Variants in STIM1 observed in about 807,000 individuals in gnomAD.
STIM1 encodes the protein stromal interaction molecule 1.
STIM1 carries 25 observed loss-of-function variants against 74.7 expected under a neutral mutation model. That is an observed-to-expected ratio of 0.33 (90% CI 0.24 to 0.47). The LOEUF (loss-of-function observed/expected upper bound fraction) is 0.47, where lower values mean the gene tolerates loss of function less well. Among genes scored for constraint, STIM1 ranks in the 20% least tolerant of loss-of-function variants. STIM1 has a pLI of 1.00. For synonymous variants in STIM1, 328 were observed against 348.8 expected, an observed-to-expected ratio of 0.94 and a Z score of 0.66; for missense variants, 728 against 920.8, an observed-to-expected ratio of 0.79 and a Z score of 2.71.
At chr11:4,068,270 C>T (rs1022000769) in intron 5 of STIM1, among the ~76,000 whole-genome samples, 12 of 152,090 alleles carry the variant, frequency 7.9e-5, no homozygotes, top group African/African-American at 2.9e-4. Context: ...GAATAAGAAA[C>T]CAAATGAAAT....
In STIM1 at chr11:4,055,543, G is replaced by A. The variant is rs1174379175; in HGVS notation, c.403G>A (p.Asp135Asn). 1 of 1,599,790 alleles carries A rather than the reference G, an allele frequency of 6.3e-7. No homozygotes were observed. Among genetic ancestry groups the A allele is most frequent in the Non-Finnish European group, 8.5e-7 (1 of 1,173,928 alleles). Residue 135 changes from aspartate to asparagine, a missense_variant, in exon 4 of 13, where the codon GAT becomes AAT. Physicochemically the swap from Asp to Asn is conservative, Grantham distance 23 (BLOSUM62 1). Around this residue, in one of 5 missense-constraint regions of STIM1, gnomAD observed 132 missense variants for 158.2 expected, o/e 0.83. Transcript: ENST00000526596. ...KSSEVYNWTV[D>N]EVVQWLITYV... is the part of the protein sequence containing the mutation. Reference sequence around the variant, plus strand: ...TTTCACAGTATACAATTGGACCGTGGATGAGGTGGTACAGTGGCTGATCAC... The same window carrying A: ...TTTCACAGTATACAATTGGACCGTGAATGAGGTGGTACAGTGGCTGATCAC...
At chr11:3,953,922 A>T (rs1181851723) in intron 1 of STIM1, among the ~76,000 whole-genome samples, 1 of 151,714 alleles carries the variant, frequency 6.6e-6, no homozygotes, top group Non-Finnish European at 1.5e-5. Context: ...AGCTGGCACC[A>T]TAGGTGTGTG....
rs796618473 is a variant in STIM1 at position 4,009,870 on chromosome 11, T to C, written c.271-14003T>C. ...CTCTATTGCCCAGGCTGGAGTACAG[T>C]GGTACGATCACGGCTTACCGCAACC... On this transcript the variant is annotated intron_variant, in intron 2 of 12. Coordinates refer to ENST00000526596, the MANE Select transcript of STIM1 (RefSeq NM_001382567.1). Among the ~76,000 whole-genome samples the C allele has an allele frequency of 5.3e-5, 8 of 152,238 alleles. No individual in the cohort carries two copies. In the South Asian group the frequency reaches 1.5e-3, roughly 28 times the overall value.
chr11:4,018,274 C>T (rs1331744446), intron 2 of STIM1, among the ~76,000 whole-genome samples: 4 of 149,926 alleles, frequency 2.7e-5, no homozygotes, highest in African/African-American at 7.4e-5. Context: ...AAGGTGAAAC[C>T]CCGTCTCTAC....
chr11:4,087,943 T>C (rs926106940), intron 12 of STIM1, among the ~76,000 whole-genome samples: 1 of 151,708 alleles, frequency 6.6e-6, no homozygotes, highest in Non-Finnish European at 1.5e-5. Context: ...GGAATTAAAA[T>C]ACACATTTTA....
intron 2 of STIM1, among the ~76,000 whole-genome samples, chr11:3,983,037 T>G (rs1271228945): frequency 6.6e-6 from 1 of 152,226 alleles, no homozygotes; most frequent in Non-Finnish European, 1.5e-5. Context: ...GGTCAAGTGA[T>G]TCTCATGCCT....
At chr11:3,941,615 A>G (rs201532323) in intron 1 of STIM1, among the ~76,000 whole-genome samples, 46 of 97,248 alleles carry the variant, frequency 4.7e-4, no homozygotes, top group African/African-American at 1.8e-3. Context: ...GTGTGTGTGT[A>G]TACATATATA....
chr11:4,014,044 T>C (rs774753813), intron 2 of STIM1, among the ~76,000 whole-genome samples: 5 of 152,118 alleles, frequency 3.3e-5, no homozygotes, highest in African/African-American at 4.8e-5. Flanking sequence ...TGTGTCTCTA[T>C]CTCCTTCAGT....
intron 5 of STIM1, among the ~76,000 whole-genome samples, chr11:4,065,593 A>G (rs775948846): frequency 3.9e-5 from 6 of 152,092 alleles, no homozygotes; most frequent in Non-Finnish European, 8.8e-5. Context: ...GCCAGAATTA[A>G]GTGCTGGGAG....
intron 2 of STIM1, among the ~76,000 whole-genome samples, chr11:4,017,487 C>G (rs2093909582): frequency 6.6e-6 from 1 of 152,154 alleles, no homozygotes; most frequent in South Asian, 2.1e-4. Context: ...CCTCGGTGAT[C>G]AGACTTGACT....
chr11:3,910,213 G>A (rs2092538844), intron 1 of STIM1, among the ~76,000 whole-genome samples: 1 of 152,222 alleles, frequency 6.6e-6, no homozygotes, highest in Non-Finnish European at 1.5e-5. Context: ...TTTAAAATAA[G>A]GGATAGACAT....
intron 5 of STIM1, among the ~76,000 whole-genome samples, chr11:4,063,048 A>C (rs1009233257): frequency 6.6e-6 from 1 of 152,236 alleles, no homozygotes; most frequent in African/African-American, 2.4e-5. Flanking sequence ...CTTATATAAA[A>C]TGCCCAGAAC....
At chr11:3,951,669 T>A (rs1380558427) in intron 1 of STIM1, among the ~76,000 whole-genome samples, 1 of 152,166 alleles carries the variant, frequency 6.6e-6, no homozygotes, top group Non-Finnish European at 1.5e-5. Flanking sequence ...AAGGGTATAA[T>A]CTTAGAGGGT....
At chr11:4,056,577 C>T (rs1165385096) in intron 4 of STIM1, among the ~76,000 whole-genome samples, 1 of 152,136 alleles carries the variant, frequency 6.6e-6, no homozygotes, top group African/African-American at 2.4e-5. Flanking sequence ...TGAGCTTCAG[C>T]AAAGGGGAAA....
intron 3 of STIM1, among the ~76,000 whole-genome samples, chr11:4,042,797 T>A (rs2094158428): frequency 1.3e-5 from 2 of 152,188 alleles, no homozygotes; most frequent in Admixed American, 6.6e-5. Context: ...GTCCTTAATA[T>A]CTACCCCTTT....
intron 7 of STIM1, among the ~76,000 whole-genome samples, chr11:4,079,087 C>G (rs187304873): frequency 1.4e-3 from 217 of 151,710 alleles, no homozygotes; most frequent in Middle Eastern, 6.9e-3. Flanking sequence ...GTCAGGAGAT[C>G]GAGATCATCC....
At chr11:3,940,364 G>A (rs1339205569) in intron 1 of STIM1, among the ~76,000 whole-genome samples, 1 of 152,166 alleles carries the variant, frequency 6.6e-6, no homozygotes, top group East Asian at 1.9e-4. Flanking sequence ...AAATCAAATT[G>A]TATACATGTA....
chr11:4,043,529 C>T (rs1053280801), intron 3 of STIM1, among the ~76,000 whole-genome samples: 9 of 152,118 alleles, frequency 5.9e-5, no homozygotes, highest in Admixed American at 1.3e-4. Context: ...CACAGATTGC[C>T]ATCATTTGTT....
chr11:4,061,817 T>C (rs918379053), intron 5 of STIM1, among the ~76,000 whole-genome samples: 5 of 152,222 alleles, frequency 3.3e-5, no homozygotes, highest in Non-Finnish European at 7.3e-5. Flanking sequence ...TGGAATGAAG[T>C]TCTGATACAT....
Sources: gnomAD v4.1 joint callset for allele counts (sites outside exome capture counted in the v4.1 genomes callset) on GRCh38, gnomAD v4.1.1 for gene constraint, gnomAD v4.1.1 regional missense constraint, MANE v1.5 for transcripts, NCBI Gene and HGNC (gene_info 2026-07-23, HGNC 2026-07-21) for gene names.